RPRD1B: variants seen among roughly 807,000 people sequenced by gnomAD.
The protein encoded by RPRD1B is regulation of nuclear pre-mRNA domain-containing protein 1B.
In RPRD1B, 11 loss-of-function variants were observed where a neutral mutation model predicts 41.5. The ratio of observed to expected loss-of-function variants is 0.27; its 90% CI spans 0.17 to 0.44. The LOEUF is 0.44. Ranked by LOEUF, RPRD1B falls within the 20% of genes least tolerant of loss-of-function variation. RPRD1B has a pLI of 1.00. For missense variants in RPRD1B, 248 were observed against 389.9 expected (o/e 0.64, Z 3.06); for synonymous variants, 158 against 155.6 (o/e 1.02, Z -0.12).
At chr20:38,067,048 AGTATTTATATAGCACAGTTCTCAAACT>A (rs1368474608) in intron 6 of RPRD1B, among the ~76,000 whole-genome samples, 1 of 152,212 alleles carries the variant, frequency 6.6e-6, no homozygotes, top group African/African-American at 2.4e-5. Flanking sequence ...ATGTCACAGT[AGTATTTATATAGCACAGTTCTCAAACT>A]GTAAAAGACC....
intron 6 of RPRD1B, among the ~76,000 whole-genome samples, chr20:38,078,039 C>T (rs553308820): frequency 2.6e-4 from 40 of 151,882 alleles, no homozygotes; most frequent in Admixed American, 9.2e-4. Flanking sequence ...AGCTGGGCAT[C>T]GTGGTTCATG....
intron 5 of RPRD1B, chr20:38,065,817 G>A: frequency 3.2e-6 from 1 of 316,260 alleles, no homozygotes; most frequent in East Asian, 5.4e-5. Flanking sequence ...GCTTTTGCAG[G>A]AACAGGCATT....
intron 6 of RPRD1B, among the ~76,000 whole-genome samples, chr20:38,081,453 A>G (rs759576104): frequency 6.6e-6 from 1 of 152,156 alleles, no homozygotes; most frequent in African/African-American, 2.4e-5. Flanking sequence ...GCCTTTGGGT[A>G]GACATTATGG....
intron 6 of RPRD1B, among the ~76,000 whole-genome samples, chr20:38,085,152 G>T (rs1389996664): frequency 6.6e-6 from 1 of 152,156 alleles, no homozygotes; most frequent in Admixed American, 6.5e-5. Flanking sequence ...ATTGGTCGTG[G>T]AGGAAAGGCA....
chr20:38,061,830 C>A (rs1176437079), intron 5 of RPRD1B, among the ~76,000 whole-genome samples: 1 of 152,166 alleles, frequency 6.6e-6, no homozygotes, highest in East Asian at 1.9e-4. Flanking sequence ...ACTTTCTTCA[C>A]TTGGTGTAGT....
intron 6 of RPRD1B, among the ~76,000 whole-genome samples, chr20:38,072,032 T>A (rs1382925591): frequency 6.6e-6 from 1 of 152,212 alleles, no homozygotes; most frequent in African/African-American, 2.4e-5. Context: ...AGTTCCAATT[T>A]ATCTATTTTT....
At chr20:38,084,020 T>C (rs1568663471) in intron 6 of RPRD1B, 1 of 152,206 alleles carries the variant, frequency 6.6e-6, no homozygotes, top group Non-Finnish European at 1.5e-5. Context: ...ATTCATATAT[T>C]GTATTTTCCA....
In RPRD1B at chr20:38,083,694, G is replaced by T. The variant is rs569838672; in HGVS notation, c.832-6032G>T. Among the ~76,000 whole-genome samples the T allele has an allele frequency of 8.5e-5, 13 of 152,306 alleles. No homozygotes were observed. The East Asian group carries it at 2.5e-3, about 29-fold the overall frequency. ...ACATTCCTCCAGTTATAGGCATTTT[G>T]TCGTTTTTCCTTTTGGGAAATACTT... On this transcript the variant is annotated intron_variant, in intron 6 of 6. Transcript: ENST00000373433.
intron 6 of RPRD1B, among the ~76,000 whole-genome samples, chr20:38,073,443 G>T (rs1179094221): frequency 6.6e-6 from 1 of 152,142 alleles, no homozygotes; most frequent in Admixed American, 6.5e-5. Flanking sequence ...AGCTGGGAAG[G>T]GGGAAATGGT....
intron 2 of RPRD1B, among the ~76,000 whole-genome samples, chr20:38,041,432 A>G (rs376174759): frequency 7.9e-5 from 12 of 152,350 alleles, no homozygotes; most frequent in Middle Eastern, 3.4e-3. Flanking sequence ...GAAGGAATAA[A>G]ATTAGAAATC....
At chr20:38,084,272 C>T (rs747024038) in intron 6 of RPRD1B, among the ~76,000 whole-genome samples, 8 of 152,034 alleles carry the variant, frequency 5.3e-5, no homozygotes, top group African/African-American at 9.7e-5. Context: ...GAGGGGCCTT[C>T]GTAAACTGCT....
chr20:38,035,092 G>A (rs1380078169), intron 1 of RPRD1B, among the ~76,000 whole-genome samples: 4 of 152,200 alleles, frequency 2.6e-5, no homozygotes, highest in Non-Finnish European at 5.9e-5. Context: ...CTCGTGGTGA[G>A]GAGTAAACGG....
chr20:38,038,490 G>GTTTTTTTTTT (rs150397040), intron 1 of RPRD1B, among the ~76,000 whole-genome samples: 7 of 76,784 alleles, frequency 9.1e-5, no homozygotes, highest in Admixed American at 1.7e-4. Context: ...TTTTTGTTTT[G>GTTTTTTTTTT]TTTTTTTTTT....
At position 38,091,751 on chromosome 20, in the gene RPRD1B, G is replaced by C; in HGVS notation, c.*1876G>C. 1 of 985,796 alleles carries C rather than the reference G, an allele frequency of 1.0e-6. No individual in the cohort carries two copies. Among genetic ancestry groups the C allele is most frequent in the Non-Finnish European group, 1.2e-6 (1 of 829,934 alleles). The allele number at this position is 985,796 out of a possible 1,614,324, so 61.1% of individuals were successfully genotyped here. A position where few individuals can be genotyped will look rare whatever the true frequency, so the allele number is the denominator to read the frequency against. ...CTGAGCAGCCACAATCCAGCCAAAA[G>C]AGGATCGTAGATATTTGCTCTGATC... On this transcript the variant is annotated 3_prime_UTR_variant, in exon 7 of 7. Transcript: ENST00000373433.
At chr20:38,086,906 C>T (rs1190306224) in intron 6 of RPRD1B, among the ~76,000 whole-genome samples, 1 of 151,944 alleles carries the variant, frequency 6.6e-6, no homozygotes, top group African/African-American at 2.4e-5. Flanking sequence ...CACCCTATAC[C>T]CCCTTCCAAA....
intron 1 of RPRD1B, among the ~76,000 whole-genome samples, chr20:38,040,029 C>T (rs147929534): frequency 2.0e-5 from 3 of 152,224 alleles, no homozygotes; most frequent in Admixed American, 1.3e-4. Flanking sequence ...CCACTGCGTC[C>T]GGCCAACTCA....
At chr20:38,070,972 TC>T (rs1247386673) in intron 6 of RPRD1B, among the ~76,000 whole-genome samples, 3 of 152,190 alleles carry the variant, frequency 2.0e-5, no homozygotes, top group Non-Finnish European at 4.4e-5. Context: ...TCTCAGGTGA[TC>T]CACCTGCCTT....
At chr20:38,048,322 T>C in intron 2 of RPRD1B, 26 bp from the exon 3 acceptor site, 1 of 1,604,882 alleles carries the variant, frequency 6.2e-7, no homozygotes, top group South Asian at 1.1e-5. Flanking sequence ...TAAGCTTATA[T>C]ATATCTTTTC....
rs760200163 is a variant in RPRD1B, at chr20:38,037,316, A to G, written c.152-3119A>G. 6.6e-5 allele frequency among the ~76,000 whole-genome samples: 10 copies of G among 152,280 alleles called. No homozygotes were observed. In the Middle Eastern group the frequency reaches 0.014, roughly 207 times the overall value. The stretch of plus-strand genomic sequence containing the variant: ...AAAGTGCTCCTAAATGAATGTTTTT[A>G]ATGGTGTTTTGTATCTTGGCCTGAA... On this transcript the variant is annotated intron_variant, in intron 1 of 6. Coordinates refer to ENST00000373433, the MANE Select transcript of RPRD1B (RefSeq NM_021215.4).
Sources: allele counts gnomAD v4.1 joint callset (sites outside exome capture counted in the v4.1 genomes callset), GRCh38; gene constraint gnomAD v4.1.1; transcripts MANE v1.5; gene names NCBI Gene and HGNC (gene_info 2026-07-23, HGNC 2026-07-21).